RAB3C: variants seen among roughly 807,000 people sequenced by gnomAD.
RAB3C encodes the protein ras-related protein Rab-3C.
In RAB3C, 17 loss-of-function variants were observed where a neutral mutation model predicts 26.4. The ratio of observed to expected loss-of-function variants is 0.64; its 90% CI spans 0.44 to 0.97. RAB3C has a LOEUF of 0.97. Ranked by LOEUF, RAB3C falls within the 50% of genes least tolerant of loss-of-function variation. The pLI, the probability that RAB3C is intolerant of heterozygous loss-of-function variation, is 0.00. For synonymous variants in RAB3C, 91 were observed against 95.9 expected (o/e 0.95, Z 0.30); for missense variants, 242 against 281.9 (o/e 0.86, Z 1.01).
chr5:58,588,392 G>A (rs962412417), intron 1 of RAB3C, among the ~76,000 whole-genome samples: 4 of 152,178 alleles, frequency 2.6e-5, no homozygotes, highest in Non-Finnish European at 4.4e-5. Flanking sequence ...TTTAGTTTTG[G>A]CCACTTGGTA....
chr5:58,710,601 A>AATATATAT (rs200292615), intron 2 of RAB3C, among the ~76,000 whole-genome samples: 1 of 136,392 alleles, frequency 7.3e-6, no homozygotes, highest in Non-Finnish European at 1.5e-5. Flanking sequence ...TCTGTCTCAA[A>AATATATAT]ATAAATAAAT....
intron 2 of RAB3C, among the ~76,000 whole-genome samples, chr5:58,644,011 G>A (rs1000566522): frequency 1.3e-5 from 2 of 151,862 alleles, no homozygotes; most frequent in Admixed American, 1.3e-4. Flanking sequence ...AGTAGAGTCA[G>A]AGTTTCACCA....
chr5:58,617,694 A>G lies in RAB3C; in HGVS notation c.76A>G (p.Asn26Asp). ...CGGCCAGAAAGACTCCTCTGATCAG[A>G]ACTTTGACTACATGTTCAAATTACT... The part of the protein sequence containing the change: ...RYGQKDSSDQ[N>D]FDYMFKLLII... The change falls in exon 2 of 5, where the codon AAC (asparagine) becomes GAC (aspartate). Residue 26 changes from asparagine to aspartate, a missense_variant. By Grantham distance (23) the Asn-to-Asp change is conservative. Transcript: ENST00000282878. 3 of 1,614,014 alleles carry G rather than the reference A, an allele frequency of 1.9e-6. No homozygotes were observed. The South Asian group carries it at 3.3e-5, about 18-fold the overall frequency.
intron 3 of RAB3C, among the ~76,000 whole-genome samples, chr5:58,743,454 G>C (rs1195470842): frequency 6.6e-6 from 1 of 151,822 alleles, no homozygotes; most frequent in African/African-American, 2.4e-5. Flanking sequence ...GTGCAGGTTT[G>C]TTACATAGGT....
chr5:58,672,275 G>A (rs1022913428), intron 2 of RAB3C, among the ~76,000 whole-genome samples: 2 of 152,126 alleles, frequency 1.3e-5, no homozygotes, highest in African/African-American at 4.8e-5. Flanking sequence ...GTGATCCCCT[G>A]GGGTTAGACA....
chr5:58,638,200 T>C (rs922923168), intron 2 of RAB3C, among the ~76,000 whole-genome samples: 5 of 152,196 alleles, frequency 3.3e-5, no homozygotes, highest in African/African-American at 1.2e-4. Context: ...GCAATGCTTG[T>C]CATAATTATT....
At chr5:58,582,927 C>T (rs1477874084), upstream of RAB3C, 6 of 693,550 alleles carry the variant, frequency 8.7e-6, no homozygotes, top group South Asian at 2.6e-5. Flanking sequence ...GCGGATCGAG[C>T]CTGTTTAATG....
intron 3 of RAB3C, among the ~76,000 whole-genome samples, chr5:58,779,153 G>A (rs1442296665): frequency 1.3e-5 from 2 of 151,914 alleles, no homozygotes; most frequent in East Asian, 3.9e-4. Context: ...GGAGAGTCCA[G>A]TCTAGTGCCA....
intron 1 of RAB3C, among the ~76,000 whole-genome samples, chr5:58,591,900 T>A (rs78073827): frequency 4.8e-5 from 1 of 20,898 alleles, no homozygotes; most frequent in Non-Finnish European, 1.6e-4. Context: ...CTTTTTCTAT[T>A]TTTTTTTTTT....
chr5:58,759,499 C>T (rs951020870), intron 3 of RAB3C, among the ~76,000 whole-genome samples: 3 of 152,064 alleles, frequency 2.0e-5, no homozygotes, highest in African/African-American at 7.2e-5. Context: ...TAGGTACATG[C>T]CAAAGAGACA....
chr5:58,635,295 G>A (rs1032291973), intron 2 of RAB3C, among the ~76,000 whole-genome samples: 1 of 152,186 alleles, frequency 6.6e-6, no homozygotes, highest in Non-Finnish European at 1.5e-5. Flanking sequence ...GTCTTGTTTT[G>A]TCAAACATGG....
intron 3 of RAB3C, among the ~76,000 whole-genome samples, chr5:58,729,733 T>C: frequency 6.8e-6 from 1 of 146,428 alleles, no homozygotes; most frequent in East Asian, 2.0e-4. Flanking sequence ...CAAAAAATAT[T>C]GTATTTTATA....
At chr5:58,720,970 T>G (rs1006852099) in intron 2 of RAB3C, among the ~76,000 whole-genome samples, 1 of 151,890 alleles carries the variant, frequency 6.6e-6, no homozygotes, top group Non-Finnish European at 1.5e-5. Flanking sequence ...ATGTTATTTC[T>G]GCATGACCTT....
chr5:58,778,943 T>A (rs1742209338), intron 3 of RAB3C, among the ~76,000 whole-genome samples: 1 of 152,158 alleles, frequency 6.6e-6, no homozygotes, highest in South Asian at 2.1e-4. Flanking sequence ...AATAATAGCG[T>A]CATTCTCCAA....
At chr5:58,728,132 C>A (rs1433886614) in intron 3 of RAB3C, among the ~76,000 whole-genome samples, 1 of 152,028 alleles carries the variant, frequency 6.6e-6, no homozygotes, top group African/African-American at 2.4e-5. Flanking sequence ...CCCTTACCTA[C>A]TTTTTTCATC....
chr5:58,849,111 G>T (rs920390034), intron 4 of RAB3C, among the ~76,000 whole-genome samples: 3 of 152,176 alleles, frequency 2.0e-5, no homozygotes, highest in Non-Finnish European at 2.9e-5. Context: ...ATAAAACCTT[G>T]TGTGGATTAT....
intron 3 of RAB3C, among the ~76,000 whole-genome samples, chr5:58,818,119 G>A (rs1486628379): frequency 2.6e-5 from 4 of 152,150 alleles, no homozygotes; most frequent in Non-Finnish European, 4.4e-5. Context: ...GGGTCACTGA[G>A]GTGCATTTTG....
At chr5:58,791,031 T>C (rs1177901564) in intron 3 of RAB3C, among the ~76,000 whole-genome samples, 1 of 150,736 alleles carries the variant, frequency 6.6e-6, no homozygotes, top group Non-Finnish European at 1.5e-5. Flanking sequence ...ATCAAAGTTA[T>C]GAGTAATAAG....
At position 58,737,669 on chromosome 5, in the gene RAB3C, T is replaced by C. The variant is rs368339788; in HGVS notation, c.371+11549T>C. On this transcript the variant is annotated intron_variant, in intron 3 of 4. Coordinates refer to ENST00000282878, the MANE Select transcript of RAB3C (RefSeq NM_138453.4). ...GGATCTTATTCACATTGTATCTCCA[T>C]AGTCTAGCATAGGCCCAGGCACATA... Among the ~76,000 whole-genome samples, 233 of 151,976 alleles carry C rather than the reference T, an allele frequency of 1.5e-3. 7 individuals carry two copies. In the South Asian group the frequency reaches 0.047, roughly 30 times the overall value.
Sources: allele counts gnomAD v4.1 joint callset (sites outside exome capture counted in the v4.1 genomes callset), GRCh38; gene constraint gnomAD v4.1.1; transcripts MANE v1.5; gene names NCBI Gene and HGNC (gene_info 2026-07-23, HGNC 2026-07-21).